Variants in QTRT1 observed in about 807,000 individuals in gnomAD.
The protein encoded by QTRT1 is queuine tRNA-ribosyltransferase catalytic subunit 1.
A neutral mutation model predicts 44.0 loss-of-function variants in QTRT1; 41 were observed. The observed-to-expected ratio is 0.93, with a 90% confidence interval of 0.73 to 1.21. The LOEUF is 1.21. QTRT1 is among the 50% of genes most tolerant of loss of function. QTRT1 has a pLI of 0.00. For synonymous variants in QTRT1, 226 were observed against 237.1 expected, an observed-to-expected ratio of 0.95 and a Z score of 0.43; for missense variants, 542 against 575.8, an observed-to-expected ratio of 0.94 and a Z score of 0.60.
chr19:10,702,620 A>G (rs2068695244), intron 3 of QTRT1, among the ~76,000 whole-genome samples: 1 of 152,094 alleles, frequency 6.6e-6, no homozygotes. Context: ...CTTGGGCAAT[A>G]CAGGGAGACC....
Position 10,707,309 on chromosome 19 carries a change from C to T in QTRT1, c.459C>T (p.Asp153=), listed in dbSNP as rs967624249. The change falls in exon 4 of 10, where the codon GAC becomes GAT. Residue 153 remains aspartate, a synonymous_variant. Transcript: ENST00000250237. ...CCCCCATCTCACCATCAGGCTCGGACATCATCATGCAGCTGGACGACGTGG... is the reference window on the plus strand; with the variant it reads ...CCCCCATCTCACCATCAGGCTCGGATATCATCATGCAGCTGGACGACGTGG... ...SVQIQNALGS[D]IIMQLDDVVS... 38 of 1,614,078 alleles carry T rather than the reference C, an allele frequency of 2.4e-5. No individual in the cohort carries two copies. The highest frequency in any genetic ancestry group is 3.1e-5 in the Non-Finnish European group (37 of 1,180,036).
At position 10,712,021 on chromosome 19, in the gene QTRT1, C is replaced by T. The variant is rs2068740702; in HGVS notation, c.647-140C>T. On this transcript the variant is annotated intron_variant, in intron 5 of 9. Coordinates refer to ENST00000250237, the MANE Select transcript of QTRT1 (RefSeq NM_031209.3). This position sits in a 1 kb window ranked among gnomAD's most constrained non-coding sequence, Gnocchi z 5.6. ...TCCCTCTCCGTCTCCCTCTCCGTCT[C>T]TGGCTCTGTCTGTCTGTCTCTGTCT... 9.4e-7 allele frequency: 1 copy of T among 1,061,452 alleles called. No homozygotes were observed. Among genetic ancestry groups the T allele is most frequent in the East Asian group, 2.4e-5 (1 of 41,166 alleles). The allele number at this position is 1,061,452 out of a possible 1,614,324, so 65.8% of individuals were successfully genotyped here.
chr19:10,706,069 TG>T (rs1227063346), intron 3 of QTRT1, among the ~76,000 whole-genome samples: 2 of 149,938 alleles, frequency 1.3e-5, no homozygotes, highest in Admixed American at 6.7e-5. Flanking sequence ...TTCGCCAGGA[TG>T]GTGTCAATCT....
chr19:10,702,081 A>T, intron 2 of QTRT1, 35 bp from the exon 3 acceptor site: 1 of 1,613,140 alleles, frequency 6.2e-7, no homozygotes, highest in South Asian at 1.1e-5. Flanking sequence ...CCCCATCTCC[A>T]CCCCCTGACA....
rs759087448 is a variant in QTRT1 at position 10,701,727 on chromosome 19, GGAGGCGGC to G, written c.243+39_243+46del. 8.9e-6 allele frequency: 14 copies of G among 1,565,052 alleles called. No individual in the cohort carries two copies. The African/African-American group carries it at 1.1e-4, about 12-fold the overall frequency. Reference sequence around the variant, plus strand: ...CGGTGGGTGGGCTCTGCCCGCGCGGGGAGGCGGCGAGGCGGCGAGGCGTGGGGAGCCAT... The same window carrying G: ...CGGTGGGTGGGCTCTGCCCGCGCGGGGAGGCGGCGAGGCGTGGGGAGCCAT... On this transcript the variant is annotated intron_variant, in intron 1 of 9. Transcript: ENST00000250237.
chr19:10,702,207 A>T lies in QTRT1; in HGVS notation c.404A>T (p.Glu135Val). Residue 135 changes from glutamate (E) to valine (V), a missense_variant, in exon 3 of 10, where the codon GAG (glutamate) becomes GTG (valine). Physicochemically the swap from Glu to Val is moderately radical, Grantham distance 121. Transcript: ENST00000250237. ...VRFRSPYDGN[E>V]TLLSPEKSVQ... is the part of the protein sequence containing the mutation. ...TTCCGCTCCCCCTACGACGGCAATG[A>T]GACCCTGCTGAGCCCGGAGAAATCC... 1 of 1,614,104 alleles carries T rather than the reference A, an allele frequency of 6.2e-7. No individual in the cohort carries two copies. Among genetic ancestry groups the T allele is most frequent in the Non-Finnish European group, 8.5e-7 (1 of 1,180,018 alleles).
In QTRT1 at chr19:10,701,496, G is replaced by T; in HGVS notation, c.36G>T (p.Ser12=). The change falls in exon 1 of 10, where the codon TCG becomes TCT. Residue 12 remains serine, a synonymous_variant. Coordinates refer to ENST00000250237, the MANE Select transcript of QTRT1 (RefSeq NM_031209.3). Reference sequence around the variant, plus strand: ...CAGCTACCCAGGCTTCCCTGGAGTCGGCCCCACGGATCATGCGGCTGGTGG... The same window carrying T: ...CAGCTACCCAGGCTTCCCTGGAGTCTGCCCCACGGATCATGCGGCTGGTGG... ...AGAATQASLE[S]APRIMRLVAE... 1 of 1,579,572 alleles carries T rather than the reference G, an allele frequency of 6.3e-7. No homozygotes were observed.
rs1471740982 is a variant in QTRT1, at chr19:10,712,754, A to G, written c.862-4A>G. ...CCCCTTTCCCTGCCCTTCCTCTCCCACAGCGCTTTGGCTCTGCCCTGGTGC... is the reference window on the plus strand; with the variant it reads ...CCCCTTTCCCTGCCCTTCCTCTCCCGCAGCGCTTTGGCTCTGCCCTGGTGC... On this transcript the variant is annotated splice_region_variant and splice_polypyrimidine_tract_variant and intron_variant, in intron 7 of 9. Coordinates refer to ENST00000250237, the MANE Select transcript of QTRT1 (RefSeq NM_031209.3). The surrounding 1 kb of genome is among the most constrained non-coding windows in gnomAD (Gnocchi z 5.6). The G allele has an allele frequency of 1.2e-6, 2 of 1,613,484 alleles. No individual in the cohort carries two copies. Among genetic ancestry groups the G allele is most frequent in the Admixed American group, 1.7e-5 (1 of 59,998 alleles).
intron 3 of QTRT1, among the ~76,000 whole-genome samples, chr19:10,705,648 G>T (rs558962806): frequency 1.3e-5 from 2 of 151,736 alleles, no homozygotes; most frequent in African/African-American, 4.8e-5. Flanking sequence ...CGATTCTCCT[G>T]CCTCAGCCTC....
chr19:10,706,357 A>C (rs1031080796), intron 3 of QTRT1, among the ~76,000 whole-genome samples: 1 of 151,900 alleles, frequency 6.6e-6, no homozygotes, highest in African/African-American at 2.4e-5. Flanking sequence ...ACCGTGGCTC[A>C]TGCCTATAAT....
At chr19:10,708,443 A>G (rs945078402) in intron 5 of QTRT1, among the ~76,000 whole-genome samples, 2 of 152,064 alleles carry the variant, frequency 1.3e-5, no homozygotes, top group Admixed American at 6.6e-5. Flanking sequence ...TTTACATGCA[A>G]TGCTTTCTGG....
At chr19:10,704,494 T>C (rs1385564037) in intron 3 of QTRT1, among the ~76,000 whole-genome samples, 1 of 151,290 alleles carries the variant, frequency 6.6e-6, no homozygotes, top group Non-Finnish European at 1.5e-5. Context: ...CGGGGTTTCA[T>C]CGTGTTAGCC....
chr19:10,706,218 GTC>G (rs1189079344), intron 3 of QTRT1, among the ~76,000 whole-genome samples: 1 of 151,970 alleles, frequency 6.6e-6, no homozygotes, highest in Non-Finnish European at 1.5e-5. Flanking sequence ...TGGAGATGGG[GTC>G]TCTCTGTGTT....
intron 5 of QTRT1, chr19:10,711,171 T>C (rs1488097339): frequency 1.3e-5 from 2 of 152,374 alleles, no homozygotes; most frequent in African/African-American, 4.8e-5. Context: ...GTTGTTGTTG[T>C]TGTTTCGTTT....
intron 1 of QTRT1, 40 bp downstream of exon 1, chr19:10,701,743 C>T: frequency 1.3e-6 from 2 of 1,557,624 alleles, no homozygotes; most frequent in Non-Finnish European, 8.7e-7. Flanking sequence ...GGCGAGGCGG[C>T]GAGGCGTGGG....
intron 3 of QTRT1, among the ~76,000 whole-genome samples, chr19:10,704,973 TG>T (rs1295157824): frequency 6.6e-6 from 1 of 151,414 alleles, no homozygotes; most frequent in African/African-American, 2.4e-5. Context: ...TGGAGTGCAG[TG>T]GCTCGATCTT....
Position 10,712,096 on chromosome 19 carries a change from G to C in QTRT1, c.647-65G>C. 1 of 1,600,474 alleles carries C rather than the reference G, an allele frequency of 6.2e-7. No homozygotes were observed. Among genetic ancestry groups the C allele is most frequent in the Non-Finnish European group, 8.5e-7 (1 of 1,174,952 alleles). ...GACTCTGGAAGTCTGGGCAGGGTGT[G>C]TTCTGGGATTGAAGACCAGGCGCAT... On this transcript the variant is annotated intron_variant, in intron 5 of 9. Transcript: ENST00000250237. This position sits in a 1 kb window ranked among gnomAD's most constrained non-coding sequence, Gnocchi z 5.6.
chr19:10,701,835 C>A, intron 1 of QTRT1, 115 bp from the exon 2 acceptor site: 1 of 1,572,924 alleles, frequency 6.4e-7, no homozygotes, highest in Non-Finnish European at 8.7e-7. Flanking sequence ...AATGACCAGG[C>A]CTTGTACTGG....
intron 3 of QTRT1, among the ~76,000 whole-genome samples, chr19:10,705,887 G>A (rs1438572826): frequency 2.8e-5 from 3 of 106,830 alleles, no homozygotes; most frequent in African/African-American, 3.7e-5. Flanking sequence ...ACAGAGTCTC[G>A]CTCTGTCACT....
Sources: allele counts gnomAD v4.1 joint callset (sites outside exome capture counted in the v4.1 genomes callset), GRCh38; gene constraint gnomAD v4.1.1; non-coding constraint Gnocchi (gnomAD v3.1); transcripts MANE v1.5; gene names NCBI Gene and HGNC (gene_info 2026-07-23, HGNC 2026-07-21).